DCBLD2: variants seen among roughly 807,000 people sequenced by gnomAD.
The protein encoded by DCBLD2 is discoidin, CUB and LCCL domain-containing protein 2.
DCBLD2 carries 54 observed loss-of-function variants against 86.8 expected under a neutral mutation model. The observed-to-expected ratio is 0.62, with a 90% confidence interval of 0.50 to 0.78. The LOEUF is 0.78. Ranked by LOEUF, DCBLD2 falls within the 30% of genes least tolerant of loss-of-function variation. The pLI is 0.00. For missense variants in DCBLD2, 908 were observed against 954.2 expected, an observed-to-expected ratio of 0.95 and a Z score of 0.64; for synonymous variants, 354 against 341.3, an observed-to-expected ratio of 1.04 and a Z score of -0.41.
chr3:98,895,645 ATACAACCTTCT>A (rs1447235288), intron 1 of DCBLD2, among the ~76,000 whole-genome samples: 2 of 152,146 alleles, frequency 1.3e-5, no homozygotes, highest in Non-Finnish European at 2.9e-5. Context: ...TTTCTGCCTT[ATACAACCTTCT>A]TATAACCTTC....
In DCBLD2 at chr3:98,819,304, T is replaced by A; in HGVS notation, c.985A>T (p.Lys329Ter). 1.2e-6 allele frequency: 2 copies of A among 1,613,910 alleles called. No individual in the cohort carries two copies. Among genetic ancestry groups the A allele is most frequent in the Non-Finnish European group, 1.7e-6 (2 of 1,179,838 alleles). ...CCAGGTTTTTTCAGCCTGGCTTTTT[T>A]GGGTTTCCAACTGTTCTCTTGCCCT... ...HTGQENSWKP[K>*]KARLKKPGPP... The change falls in exon 8 of 16, where the codon AAA becomes TAA. Residue 329 changes from lysine to a stop codon, truncating the protein, a stop_gained. Coordinates refer to ENST00000326840, the MANE Select transcript of DCBLD2 (RefSeq NM_080927.4). LOFTEE classifies it high-confidence loss of function.
intron 2 of DCBLD2, among the ~76,000 whole-genome samples, chr3:98,869,692 T>C (rs1287609176): frequency 2.0e-5 from 3 of 152,350 alleles, no homozygotes; most frequent in Admixed American, 2.0e-4. Context: ...GAAAATAAAA[T>C]ATAAAAACTG....
At chr3:98,865,154 CT>C (rs1409589094) in intron 2 of DCBLD2, among the ~76,000 whole-genome samples, 3 of 151,942 alleles carry the variant, frequency 2.0e-5, no homozygotes, top group Non-Finnish European at 4.4e-5. Context: ...GAAAAGATAC[CT>C]ACACTCCCAT....
intron 1 of DCBLD2, among the ~76,000 whole-genome samples, chr3:98,888,655 C>A (rs1943602960): frequency 6.6e-6 from 1 of 151,958 alleles, no homozygotes; most frequent in African/African-American, 2.4e-5. Context: ...AGCTTTTGCC[C>A]ATTGTTTATT....
At chr3:98,861,997 G>T (rs918026388) in intron 2 of DCBLD2, among the ~76,000 whole-genome samples, 1 of 151,920 alleles carries the variant, frequency 6.6e-6, no homozygotes, top group Non-Finnish European at 1.5e-5. Context: ...ATAAAGAAAA[G>T]AGAGAAGAAT....
chr3:98,830,261 G>A (rs1020539051), intron 3 of DCBLD2, among the ~76,000 whole-genome samples: 4 of 152,112 alleles, frequency 2.6e-5, no homozygotes, highest in Admixed American at 6.5e-5. Context: ...ATTTGTCAAT[G>A]TTTGCTTTTG....
intron 8 of DCBLD2, among the ~76,000 whole-genome samples, chr3:98,818,303 C>T (rs1160006114): frequency 6.6e-6 from 1 of 152,042 alleles, no homozygotes; most frequent in East Asian, 1.9e-4. Context: ...TGCTAAGTTC[C>T]CCTAAATTAA....
Position 98,881,807 on chromosome 3 carries a change from T to C in DCBLD2, c.206-40A>G, listed in dbSNP as rs757950927. ...AAAAGAATGATAAATTATTCTCACA[T>C]ATTTTACTTCCTCTATAATGATTTT... On this transcript the variant is annotated intron_variant, in intron 1 of 15. Transcript: ENST00000326840. 3.2e-6 allele frequency: 5 copies of C among 1,560,986 alleles called. No homozygotes were observed. In the Admixed American group the frequency reaches 9.0e-5, roughly 28 times the overall value.
intron 13 of DCBLD2, among the ~76,000 whole-genome samples, chr3:98,807,233 T>G (rs929965459): frequency 1.3e-5 from 2 of 152,202 alleles, no homozygotes; most frequent in African/African-American, 2.4e-5. Flanking sequence ...GTGCCTTCAC[T>G]CAAACAATTG....
At chr3:98,855,705 C>T (rs766683680) in intron 2 of DCBLD2, among the ~76,000 whole-genome samples, 18 of 152,152 alleles carry the variant, frequency 1.2e-4, no homozygotes, top group Admixed American at 5.9e-4. Flanking sequence ...GGTAACCAAA[C>T]GGTCTTGATA....
intron 2 of DCBLD2, among the ~76,000 whole-genome samples, chr3:98,858,475 G>A (rs1172882624): frequency 4.6e-5 from 7 of 152,260 alleles, no homozygotes; most frequent in Non-Finnish European, 7.3e-5. Context: ...CTGCCAGCAC[G>A]CTGTCACCTC....
rs1261359642 is a variant in DCBLD2 at position 98,838,390 on chromosome 3, G to A, written c.571+11071C>T. Among the ~76,000 whole-genome samples the A allele has an allele frequency of 1.1e-4, 13 of 114,150 alleles. No homozygotes were observed. The South Asian group carries it at 1.2e-3, about 11-fold the overall frequency. 74.9% of individuals were successfully genotyped at this position (114,150 alleles called of 152,430 possible). On this transcript the variant is annotated intron_variant, in intron 3 of 15. Transcript: ENST00000326840. ...GACGGGGTCTCGGCCGGGCAGAGGCGCTCCTCACATCCCAGATGGGGCGGC... is the reference window on the plus strand; with the variant it reads ...GACGGGGTCTCGGCCGGGCAGAGGCACTCCTCACATCCCAGATGGGGCGGC...
rs1452765643 is a variant in DCBLD2 at position 98,801,608 on chromosome 3, T to C, written c.1712A>G (p.Asp571Gly). The change falls in exon 14 of 16, where the codon GAC (aspartate) becomes GGC (glycine). Residue 571 changes from aspartate (D) to glycine (G), a missense_variant. Around this residue, in one of 3 missense-constraint regions of DCBLD2, gnomAD observed 606 missense variants for 678.5 expected, o/e 0.89. Transcript: ENST00000326840. ...AAGACCACGTGAGTTACCTGCCCGGTCCCAGTAAGGTAAGTCATAGGTGCC... is the reference window on the plus strand; with the variant it reads ...AAGACCACGTGAGTTACCTGCCCGGCCCCAGTAAGGTAAGTCATAGGTGCC... ...TEGTYDLPYW[D>G]RAGWWKGMKQ... The C allele has an allele frequency of 1.2e-6, 2 of 1,610,144 alleles. No individual in the cohort carries two copies. Among genetic ancestry groups the C allele is most frequent in the South Asian group, 2.2e-5 (2 of 90,232 alleles).
Position 98,849,480 on chromosome 3 carries a change from G to A in DCBLD2, c.552C>T (p.Tyr184=), listed in dbSNP as rs1263899898. 9 of 1,613,820 alleles carry A rather than the reference G, an allele frequency of 5.6e-6. No homozygotes were observed. The highest frequency in any genetic ancestry group is 1.3e-5 in the African/African-American group (1 of 74,936). ...AATTACCTTGTTTATCTATAACAGA[G>A]TATGAGGCCAAAAATCCGCGTCCAG... ...HVSGRGFLAS[Y]SVIDKQDLIT... is the part of the protein sequence containing the mutation. Residue 184 remains tyrosine, a synonymous_variant, in exon 3 of 16, where the codon TAC becomes TAT. Transcript: ENST00000326840.
chr3:98,838,150 C>G (rs1199297366), intron 3 of DCBLD2, among the ~76,000 whole-genome samples: 28 of 128,238 alleles, frequency 2.2e-4, no homozygotes, highest in African/African-American at 7.9e-4. Flanking sequence ...GGGGCTGACC[C>G]CCCCCACCTC....
intron 3 of DCBLD2, 106 bp from the exon 4 acceptor site, chr3:98,825,472 AT>A: frequency 1.2e-6 from 1 of 814,312 alleles, no homozygotes; most frequent in Non-Finnish European, 1.9e-6. Context: ...ATTTTCAAAA[AT>A]CTCAATGGCA....
rs555880491 is a variant in DCBLD2, at chr3:98,807,749, T to C, written c.1670+332A>G. 6.6e-5 allele frequency among the ~76,000 whole-genome samples: 10 copies of C among 152,284 alleles called. No individual in the cohort carries two copies. The South Asian group carries it at 1.9e-3, about 28-fold the overall frequency. The stretch of plus-strand genomic sequence containing the variant: ...TAACTCATCAAACCACATGATATAG[T>C]TCCTTGTTAGTCAACCCTGCTAAAC... On this transcript the variant is annotated intron_variant, in intron 13 of 15. Coordinates refer to ENST00000326840, the MANE Select transcript of DCBLD2 (RefSeq NM_080927.4).
At chr3:98,848,889 G>A (rs73138027) in intron 3 of DCBLD2, among the ~76,000 whole-genome samples, 25,141 of 152,026 alleles carry the variant, frequency 0.17, 2,179 homozygotes, top group African/African-American at 0.22. Context: ...GTTATTATAG[G>A]CCGGGTGCAG....
Position 98,889,201 on chromosome 3 carries a change from A to G in DCBLD2, c.206-7434T>C, listed in dbSNP as rs191049346. On this transcript the variant is annotated intron_variant, in intron 1 of 15. Coordinates refer to ENST00000326840, the MANE Select transcript of DCBLD2 (RefSeq NM_080927.4). ...ATTTCTCTTTGTCAAAGAGTTGAGCACTATAGAAAGAGAAAAAACTCACAA... is the reference window on the plus strand; with the variant it reads ...ATTTCTCTTTGTCAAAGAGTTGAGCGCTATAGAAAGAGAAAAAACTCACAA... 2.0e-5 allele frequency among the ~76,000 whole-genome samples: 3 copies of G among 152,126 alleles called. No homozygotes were observed. In the East Asian group the frequency reaches 5.8e-4, roughly 29 times the overall value.
Sources: allele counts gnomAD v4.1 joint callset (sites outside exome capture counted in the v4.1 genomes callset), GRCh38; gene constraint gnomAD v4.1.1; regional missense constraint gnomAD v4.1.1; transcripts MANE v1.5; gene names NCBI Gene and HGNC (gene_info 2026-07-23, HGNC 2026-07-21).